The following RSRC1 variants were observed in gnomAD, a reference collection of about 807,000 sequenced individuals.
The protein encoded by RSRC1 is arginine and serine rich coiled-coil 1.
In RSRC1, 39 loss-of-function variants were observed where a neutral mutation model predicts 49.1. The observed-to-expected ratio is 0.79, with a 90% CI of 0.61 to 1.04. The LOEUF is 1.04. Ranked by LOEUF, RSRC1 falls within the 50% of genes least tolerant of loss-of-function variation. The pLI is 0.00. For synonymous variants in RSRC1, 143 were observed against 130.8 expected (o/e 1.09, Z -0.63); for missense variants, 388 against 402.4 (o/e 0.96, Z 0.31).
At chr3:158,276,090 CCCACAGTGGCGTCCAGCTCACTCCTCTG>C in intron 4 of RSRC1, 1 of 885,854 alleles carries the variant, frequency 1.1e-6, no homozygotes, top group Non-Finnish European at 1.9e-6. Context: ...CTCTTAGAGC[CCCACAGTGGCGTCCAGCTCACTCCTCTG>C]CAACGGACTG....
chr3:158,469,473 C>A, intron 7 of RSRC1: 2 of 363,090 alleles, frequency 5.5e-6, no homozygotes, highest in Non-Finnish European at 1.1e-5. Context: ...AAGTCTTATA[C>A]TATACTTCAC....
intron 6 of RSRC1, among the ~76,000 whole-genome samples, chr3:158,422,613 A>T (rs1265363929): frequency 6.0e-5 from 9 of 150,554 alleles, no homozygotes; most frequent in African/African-American, 2.2e-4. Flanking sequence ...GCTGGGTCAA[A>T]TGGTATTTCT....
intron 5 of RSRC1, among the ~76,000 whole-genome samples, chr3:158,340,897 T>C (rs1353302632): frequency 6.6e-6 from 1 of 152,114 alleles, no homozygotes; most frequent in Non-Finnish European, 1.5e-5. Context: ...GACAATACAA[T>C]CCAGGCTGAG....
intron 7 of RSRC1, among the ~76,000 whole-genome samples, chr3:158,519,209 A>G (rs1711525354): frequency 6.6e-6 from 1 of 151,956 alleles, no homozygotes; most frequent in Admixed American, 6.6e-5. Flanking sequence ...CTACATCCCA[A>G]ATATCTTTAT....
chr3:158,226,172 T>G (rs144110444), intron 4 of RSRC1, among the ~76,000 whole-genome samples: 1 of 151,892 alleles, frequency 6.6e-6, no homozygotes, highest in East Asian at 1.9e-4. Context: ...TGAAAAAAAC[T>G]CTTAGAAATT....
chr3:158,428,626 G>A (rs1168659512), intron 6 of RSRC1, among the ~76,000 whole-genome samples: 1 of 151,818 alleles, frequency 6.6e-6, no homozygotes, highest in Non-Finnish European at 1.5e-5. Flanking sequence ...TATAATAAAG[G>A]CTGATTATTT....
chr3:158,253,983 T>C (rs570274242), intron 4 of RSRC1, among the ~76,000 whole-genome samples: 99 of 152,294 alleles, frequency 6.5e-4, no homozygotes, highest in African/African-American at 2.2e-3. Flanking sequence ...TTCTCATTGT[T>C]CAATTCCCAA....
intron 6 of RSRC1, among the ~76,000 whole-genome samples, chr3:158,420,500 C>T (rs1032621782): frequency 4.0e-5 from 6 of 151,868 alleles, no homozygotes; most frequent in Admixed American, 1.3e-4. Flanking sequence ...GGTTCTGCCA[C>T]TAATTAGCTG....
At chr3:158,360,844 T>G (rs76474519) in intron 6 of RSRC1, among the ~76,000 whole-genome samples, 11,160 of 152,204 alleles carry the variant, frequency 0.073, 481 homozygotes, top group South Asian at 0.13. Flanking sequence ...AGCCCCAACT[T>G]GGGGGCTGCA....
At chr3:158,450,557 T>A (rs1198636665) in intron 6 of RSRC1, among the ~76,000 whole-genome samples, 1 of 151,936 alleles carries the variant, frequency 6.6e-6, no homozygotes, top group Non-Finnish European at 1.5e-5. Context: ...GAATAAGAAC[T>A]TAACGGATTT....
At chr3:158,368,688 T>G (rs1053328720) in intron 6 of RSRC1, among the ~76,000 whole-genome samples, 2 of 152,230 alleles carry the variant, frequency 1.3e-5, no homozygotes, top group Non-Finnish European at 2.9e-5. Context: ...GATGCTTGCT[T>G]ATATATTAGA....
chr3:158,313,156 T>C (rs1447314400), intron 5 of RSRC1, among the ~76,000 whole-genome samples: 1 of 152,048 alleles, frequency 6.6e-6, no homozygotes, highest in Non-Finnish European at 1.5e-5. Flanking sequence ...TGTAAAAAGC[T>C]TTCACTGATC....
chr3:158,481,298 G>C (rs983793146), intron 7 of RSRC1, among the ~76,000 whole-genome samples: 3 of 152,068 alleles, frequency 2.0e-5, no homozygotes, highest in African/African-American at 7.2e-5. Flanking sequence ...ATCCTGCTCT[G>C]TGCATCCAGG....
Position 158,206,680 on chromosome 3 carries a change from G to A in RSRC1, c.494+3435G>A, listed in dbSNP as rs925960789. ...TGTAATCTCAGCACTTTGGGAGGCCGAGGCGGGTGGATCACCTGAGGTCAG... is the reference window on the plus strand; with the variant it reads ...TGTAATCTCAGCACTTTGGGAGGCCAAGGCGGGTGGATCACCTGAGGTCAG... On this transcript the variant is annotated intron_variant, in intron 4 of 9. Coordinates refer to ENST00000611884, the MANE Select transcript of RSRC1 (RefSeq NM_001271838.2). Among the ~76,000 whole-genome samples the A allele has an allele frequency of 2.0e-5, 3 of 152,072 alleles. No individual in the cohort carries two copies. The South Asian group carries it at 6.2e-4, about 32-fold the overall frequency.
intron 3 of RSRC1, among the ~76,000 whole-genome samples, chr3:158,190,288 G>A (rs996963116): frequency 6.6e-6 from 1 of 151,942 alleles, no homozygotes; most frequent in African/African-American, 2.4e-5. Context: ...TTTAGTTACA[G>A]GACTGTTCTT....
chr3:158,543,432 C>T lies in RSRC1; in HGVS notation c.857C>T (p.Thr286Ile). Residue 286 changes from threonine to isoleucine, a missense_variant, in exon 9 of 10, where the codon ACC becomes ATC. Physicochemically the swap from Thr to Ile is moderately conservative, Grantham distance 89. Transcript: ENST00000611884. ...AGTACTGAAAAAGAAATAGATCCTA[C>T]CAGCATCCCTACTGCTATCAAGTAC... is the stretch of plus-strand genomic sequence containing the variant. ...PPSTEKEIDPTSIPTAIKYQD... is the reference protein window; with the variant it reads ...PPSTEKEIDPISIPTAIKYQD... 1 of 1,611,944 alleles carries T rather than the reference C, an allele frequency of 6.2e-7. No homozygotes were observed. Among genetic ancestry groups the T allele is most frequent in the East Asian group, 2.2e-5 (1 of 44,716 alleles).
At position 158,533,031 on chromosome 3, in the gene RSRC1, G is replaced by A. The variant is rs142581390; in HGVS notation, c.653-4061G>A. On this transcript the variant is annotated intron_variant, in intron 7 of 9. Coordinates refer to ENST00000611884, the MANE Select transcript of RSRC1 (RefSeq NM_001271838.2). ...CTTAAGAAACTGAATTTAAAACAAC[G>A]TAATATATATTATTGATATGTTTTA... Among the ~76,000 whole-genome samples the A allele has an allele frequency of 4.0e-5, 6 of 151,742 alleles. No homozygotes were observed. In the East Asian group the frequency reaches 9.7e-4, roughly 25 times the overall value.
At chr3:158,518,028 A>G (rs186674128) in intron 7 of RSRC1, among the ~76,000 whole-genome samples, 1 of 147,538 alleles carries the variant, frequency 6.8e-6, no homozygotes, top group Admixed American at 6.8e-5. Context: ...ATGGTGTATT[A>G]TCTATTTTTA....
rs1715293073 is a variant in RSRC1, at chr3:158,122,053, C to T, written c.-2-50C>T. 4.8e-6 allele frequency: 5 copies of T among 1,038,796 alleles called. No homozygotes were observed. In the South Asian group the frequency reaches 1.2e-4, roughly 25 times the overall value. The allele number at this position is 1,038,796 out of a possible 1,614,324, so 64.3% of individuals were successfully genotyped here. Reference sequence around the variant, plus strand: ...AAAAAATTAATATATTGCATTTCATCCATTGTGCCACCATGTTAGAAATAA... The same window carrying T: ...AAAAAATTAATATATTGCATTTCATTCATTGTGCCACCATGTTAGAAATAA... On this transcript the variant is annotated intron_variant, in intron 1 of 9. Coordinates refer to ENST00000611884, the MANE Select transcript of RSRC1 (RefSeq NM_001271838.2).
Sources: allele counts gnomAD v4.1 joint callset (sites outside exome capture counted in the v4.1 genomes callset), GRCh38; gene constraint gnomAD v4.1.1; transcripts MANE v1.5; gene names NCBI Gene and HGNC (gene_info 2026-07-23, HGNC 2026-07-21).